NUP160: variants seen among roughly 807,000 people sequenced by gnomAD.
NUP160 encodes the protein nucleoporin 160.
NUP160 carries 94 observed loss-of-function variants against 196.9 expected under a neutral mutation model. The observed-to-expected ratio is 0.48, with a 90% CI of 0.40 to 0.57. The LOEUF (loss-of-function observed/expected upper bound fraction) is 0.57, where lower values mean the gene tolerates loss of function less well. NUP160 is among the 20% of genes least tolerant of loss of function. The pLI, the probability that NUP160 is intolerant of heterozygous loss-of-function variation, is 0.00. For synonymous variants in NUP160, 605 were observed against 619.7 expected (o/e 0.98, Z 0.35); for missense variants, 1,638 against 1,748.3 (o/e 0.94, Z 1.13).
intron 7 of NUP160, among the ~76,000 whole-genome samples, chr11:47,824,041 A>ATC (rs1297547685): frequency 7.8e-6 from 1 of 128,388 alleles, no homozygotes; most frequent in African/African-American, 2.9e-5. Flanking sequence ...ATATATATAT[A>ATC]TATATATATA....
At chr11:47,790,752 T>G (rs1370026766) in intron 29 of NUP160, among the ~76,000 whole-genome samples, 1 of 152,066 alleles carries the variant, frequency 6.6e-6, no homozygotes, top group Non-Finnish European at 1.5e-5. Flanking sequence ...AGACCCTGTT[T>G]CAAAAACAAA....
exon 34 of NUP160, chr11:47,783,108 C>G (rs570855683): frequency 6.2e-7 from 1 of 1,613,830 alleles, no homozygotes; most frequent in African/African-American, 1.3e-5. Flanking sequence ...TTTCCCAATA[C>G]AGCATCCACA....
At chr11:47,824,469 G>A (rs958609976) in intron 7 of NUP160, among the ~76,000 whole-genome samples, 1 of 151,770 alleles carries the variant, frequency 6.6e-6, no homozygotes, top group African/African-American at 2.4e-5. Flanking sequence ...ATTTAGCCGG[G>A]CGCAGTGGCA....
intron 10 of NUP160, among the ~76,000 whole-genome samples, 153 bp downstream of exon 10, chr11:47,819,221 G>C (rs1599331623): frequency 6.6e-6 from 1 of 151,648 alleles, no homozygotes; most frequent in African/African-American, 2.4e-5. Flanking sequence ...GCTGAGGCAA[G>C]AGAATTGCTT....
intron 2 of NUP160, among the ~76,000 whole-genome samples, chr11:47,846,306 T>C (rs1852402371): frequency 6.6e-6 from 1 of 152,140 alleles, no homozygotes; most frequent in Non-Finnish European, 1.5e-5. Flanking sequence ...AATTTGTATC[T>C]CTAACATAAA....
intron 6 of NUP160, among the ~76,000 whole-genome samples, chr11:47,836,393 T>A (rs1468946748): frequency 6.6e-6 from 1 of 152,098 alleles, no homozygotes; most frequent in Admixed American, 6.5e-5. Context: ...TTTAAAAACA[T>A]ATTTGTTGCT....
chr11:47,823,102 G>C (rs1013985529), intron 7 of NUP160, among the ~76,000 whole-genome samples: 3 of 152,148 alleles, frequency 2.0e-5, no homozygotes, highest in Non-Finnish European at 1.5e-5. Flanking sequence ...GGATGGCTGG[G>C]TCAAATGGTA....
intron 6 of NUP160, 71 bp from the exon 7 acceptor site, chr11:47,835,880 G>A (rs748271327): frequency 2.0e-5 from 25 of 1,228,164 alleles, no homozygotes; most frequent in Non-Finnish European, 2.7e-5. Flanking sequence ...CTTTTGAAAG[G>A]ATGGACCTTT....
At chr11:47,795,018 T>C (rs554980024) in intron 27 of NUP160, among the ~76,000 whole-genome samples, 4 of 152,102 alleles carry the variant, frequency 2.6e-5, no homozygotes, top group Non-Finnish European at 5.9e-5. Flanking sequence ...GGAGAATTGC[T>C]TGAACCTGGA....
chr11:47,796,854 G>A (rs750898866), intron 27 of NUP160, among the ~76,000 whole-genome samples: 10 of 152,084 alleles, frequency 6.6e-5, no homozygotes, highest in Admixed American at 1.3e-4. Flanking sequence ...CACCATGCCC[G>A]GCTATTTTTT....
exon 4 of NUP160, chr11:47,839,918 C>G: frequency 1.9e-6 from 3 of 1,614,168 alleles, no homozygotes; most frequent in Non-Finnish European, 2.5e-6. Context: ...AGGGCCTCCC[C>G]ATCACTGCTG....
chr11:47,804,523 G>C, intron 21 of NUP160, 26 bp downstream of exon 21: 2 of 1,434,490 alleles, frequency 1.4e-6, no homozygotes, highest in South Asian at 2.7e-5. Context: ...AGAATGTGTA[G>C]ACATGAAATG....
intron 7 of NUP160, among the ~76,000 whole-genome samples, chr11:47,825,282 T>C (rs1408159759): frequency 6.6e-6 from 1 of 151,830 alleles, no homozygotes; most frequent in Non-Finnish European, 1.5e-5. Context: ...ATGAACTTTT[T>C]AAATAACTTT....
intron 7 of NUP160, among the ~76,000 whole-genome samples, chr11:47,831,894 C>CTTTTTTT (rs554204043): frequency 4.3e-5 from 3 of 69,982 alleles, no homozygotes; most frequent in African/African-American, 1.9e-4. Flanking sequence ...TAATAAATTC[C>CTTTTTTT]TTTTTTTTTT....
At chr11:47,844,198 T>C (rs1469032112) in intron 2 of NUP160, among the ~76,000 whole-genome samples, 2 of 152,194 alleles carry the variant, frequency 1.3e-5, no homozygotes, top group African/African-American at 2.4e-5. Context: ...TAAGCCACCA[T>C]CATGTGTGAA....
intron 2 of NUP160, among the ~76,000 whole-genome samples, chr11:47,845,294 TCATG>T (rs1852379480): frequency 6.6e-6 from 1 of 152,116 alleles, no homozygotes; most frequent in Non-Finnish European, 1.5e-5. Flanking sequence ...GCATGTGCCA[TCATG>T]CCCAGCTAAT....
chr11:47,782,975 A>G, intron 34 of NUP160, 98 bp downstream of exon 34: 2 of 1,053,528 alleles, frequency 1.9e-6, no homozygotes. Flanking sequence ...ATTTTAAAGT[A>G]TGGTTTCTCA....
Position 47,840,604 on chromosome 11 carries a change from C to A in NUP160, c.315-16G>T. On this transcript the variant is annotated splice_polypyrimidine_tract_variant and intron_variant, in intron 2 of 35. Coordinates refer to ENST00000378460, the Ensembl canonical transcript of NUP160. ...AGAGGTCTTCCTGTTGAAAAAGAGA[C>A]ATTTGTTTGAAAAGTTTATGCTTTT... is the stretch of plus-strand genomic sequence containing the variant. 6.5e-7 allele frequency: 1 copy of A among 1,549,052 alleles called. No homozygotes were observed. The highest frequency in any genetic ancestry group is 8.8e-7 in the Non-Finnish European group (1 of 1,139,656).
chr11:47,817,842 A>T (rs926641065), intron 11 of NUP160, among the ~76,000 whole-genome samples: 5 of 152,204 alleles, frequency 3.3e-5, no homozygotes, highest in Non-Finnish European at 7.3e-5. Context: ...GTCACTGATT[A>T]CTGGGAAAGT....
Sources: allele counts gnomAD v4.1 joint callset (sites outside exome capture counted in the v4.1 genomes callset), GRCh38; gene constraint gnomAD v4.1.1; transcripts MANE v1.5; gene names NCBI Gene and HGNC (gene_info 2026-07-23, HGNC 2026-07-21).